The following FAM135B variants were observed in gnomAD, a reference collection of about 807,000 sequenced individuals.
The protein encoded by FAM135B is family with sequence similarity 135 member B.
Under a neutral mutation model 127.7 loss-of-function variants are expected in FAM135B, and 43 were observed. The observed-to-expected ratio is 0.34, with a 90% CI of 0.26 to 0.43. FAM135B has a LOEUF of 0.43. Ranked by LOEUF, FAM135B falls within the 20% of genes least tolerant of loss-of-function variation. The pLI is 1.00. For synonymous variants in FAM135B, 670 were observed against 665.1 expected (o/e 1.01, Z -0.11); for missense variants, 1,558 against 1,725.6 (o/e 0.90, Z 1.72).
At chr8:138,414,708 G>A (rs1439517102) in intron 1 of FAM135B, among the ~76,000 whole-genome samples, 3 of 152,094 alleles carry the variant, frequency 2.0e-5, no homozygotes, top group Non-Finnish European at 4.4e-5. Context: ...ATTGGACTAA[G>A]AGAATCTGAG....
At chr8:138,201,625 T>C (rs1586757547) in intron 7 of FAM135B, among the ~76,000 whole-genome samples, 1 of 152,118 alleles carries the variant, frequency 6.6e-6, no homozygotes, top group African/African-American at 2.4e-5. Flanking sequence ...TCCATTAGAA[T>C]TGCATGAAGA....
At chr8:138,211,082 C>A (rs1191508990) in intron 7 of FAM135B, among the ~76,000 whole-genome samples, 2 of 152,138 alleles carry the variant, frequency 1.3e-5, no homozygotes, top group East Asian at 1.9e-4. Flanking sequence ...ATGCTCCGTG[C>A]TAATGTTAGC....
chr8:138,397,336 G>A (rs1422935412), intron 1 of FAM135B, among the ~76,000 whole-genome samples: 1 of 152,144 alleles, frequency 6.6e-6, no homozygotes, highest in Admixed American at 6.5e-5. Context: ...GTCCAGGATG[G>A]GTAAGCCCAG....
chr8:138,207,575 G>A (rs1339485341), intron 7 of FAM135B, among the ~76,000 whole-genome samples: 1 of 152,136 alleles, frequency 6.6e-6, no homozygotes, highest in East Asian at 1.9e-4. Flanking sequence ...GCTTTCTGAA[G>A]GCTCCTGAGG....
At chr8:138,153,377 T>C (rs1486385349) in intron 12 of FAM135B, among the ~76,000 whole-genome samples, 161 bp from the exon 13 acceptor site, 3 of 152,198 alleles carry the variant, frequency 2.0e-5, no homozygotes, top group Non-Finnish European at 4.4e-5. Flanking sequence ...GTGTGAGCGA[T>C]GCAGAAGACG....
chr8:138,434,762 G>A (rs1430737997), intron 1 of FAM135B, among the ~76,000 whole-genome samples: 1 of 152,178 alleles, frequency 6.6e-6, no homozygotes, highest in Admixed American at 6.5e-5. Context: ...TCTATGAAAT[G>A]GGGATACCAA....
At chr8:138,269,720 C>G (rs539056155) in intron 3 of FAM135B, among the ~76,000 whole-genome samples, 4 of 152,340 alleles carry the variant, frequency 2.6e-5, no homozygotes, top group East Asian at 1.9e-4. Context: ...GGCAGGACTA[C>G]AGAATCCGAG....
intron 1 of FAM135B, among the ~76,000 whole-genome samples, chr8:138,431,123 C>G (rs1353031212): frequency 6.6e-6 from 1 of 152,160 alleles, no homozygotes; most frequent in African/African-American, 2.4e-5. Context: ...CTAACATTAT[C>G]ATTAACCACT....
chr8:138,223,827 C>T (rs1819208160), intron 7 of FAM135B, among the ~76,000 whole-genome samples: 1 of 152,236 alleles, frequency 6.6e-6, no homozygotes, highest in East Asian at 1.9e-4. Flanking sequence ...ACATGAGGTC[C>T]ATATACAACG....
At chr8:138,423,849 G>A (rs901641101) in intron 1 of FAM135B, among the ~76,000 whole-genome samples, 2 of 152,230 alleles carry the variant, frequency 1.3e-5, no homozygotes, top group Non-Finnish European at 2.9e-5. Context: ...AAAGACGGCT[G>A]CACCCCAGGG....
chr8:138,201,442 A>G (rs1196749877), intron 7 of FAM135B, among the ~76,000 whole-genome samples: 2 of 152,222 alleles, frequency 1.3e-5, no homozygotes, highest in East Asian at 3.9e-4. Context: ...ATCCTGAAAA[A>G]AAAATATACG....
intron 1 of FAM135B, among the ~76,000 whole-genome samples, chr8:138,475,854 G>A (rs1814399333): frequency 6.6e-6 from 1 of 152,136 alleles, no homozygotes; most frequent in Admixed American, 6.5e-5. Context: ...CAGCAATCAT[G>A]CCCTTTGCAT....
chr8:138,395,286 CCAG>C (rs1171227967), intron 1 of FAM135B, among the ~76,000 whole-genome samples: 1 of 152,142 alleles, frequency 6.6e-6, no homozygotes, highest in African/African-American at 2.4e-5. Flanking sequence ...TGAGGAATTC[CCAG>C]CAGAACTGCC....
chr8:138,454,823 A>G (rs372315951), intron 1 of FAM135B, among the ~76,000 whole-genome samples: 1 of 152,216 alleles, frequency 6.6e-6, no homozygotes, highest in African/African-American at 2.4e-5. Context: ...TCCTTGTCTC[A>G]TGCACAGCCT....
At chr8:138,307,869 T>C (rs1477816719) in intron 3 of FAM135B, among the ~76,000 whole-genome samples, 1 of 152,206 alleles carries the variant, frequency 6.6e-6, no homozygotes, top group African/African-American at 2.4e-5. Flanking sequence ...CCTGGTTCTC[T>C]TCCAATATGC....
chr8:138,381,796 T>A (rs1320499903), intron 1 of FAM135B, among the ~76,000 whole-genome samples: 1 of 152,206 alleles, frequency 6.6e-6, no homozygotes, highest in Non-Finnish European at 1.5e-5. Context: ...GTCCTCTGCA[T>A]ATGTCCACTG....
chr8:138,283,250 G>A lies in FAM135B; in HGVS notation c.158-17408C>T, dbSNP rs971314522. On this transcript the variant is annotated intron_variant, in intron 3 of 19. Coordinates refer to ENST00000395297, the MANE Select transcript of FAM135B (RefSeq NM_015912.4). Reference sequence around the variant, plus strand: ...TGACTGGATAAATAAACTGTGGTACGTCCATACAATGGAATATTATTCAGA... The same window carrying A: ...TGACTGGATAAATAAACTGTGGTACATCCATACAATGGAATATTATTCAGA... 3.2e-4 allele frequency among the ~76,000 whole-genome samples: 49 copies of A among 152,066 alleles called. 1 individual carries two copies. The highest frequency in any genetic ancestry group is 1.1e-3 in the African/African-American group (44 of 41,394).
chr8:138,196,856 T>G (rs954143904), intron 8 of FAM135B, among the ~76,000 whole-genome samples: 1 of 152,202 alleles, frequency 6.6e-6, no homozygotes, highest in Admixed American at 6.5e-5. Context: ...GCTGTCATGG[T>G]TCTGCCACAC....
intron 1 of FAM135B, among the ~76,000 whole-genome samples, chr8:138,404,559 C>T (rs772557552): frequency 3.9e-5 from 6 of 152,284 alleles, no homozygotes; most frequent in East Asian, 3.9e-4. Flanking sequence ...CAAAGTAGAA[C>T]GTTTTTCAGA....
Sources: gnomAD v4.1 joint callset for allele counts (sites outside exome capture counted in the v4.1 genomes callset) on GRCh38, gnomAD v4.1.1 for gene constraint, MANE v1.5 for transcripts, NCBI Gene and HGNC (gene_info 2026-07-23, HGNC 2026-07-21) for gene names.